Variants in CCSER1 observed in about 807,000 individuals in gnomAD.
The protein encoded by CCSER1 is serine-rich coiled-coil domain-containing protein 1.
Under a neutral mutation model 82.0 loss-of-function variants are expected in CCSER1, and 41 were observed. The ratio of observed to expected loss-of-function variants is 0.50; its 90% CI spans 0.39 to 0.65. CCSER1 has a LOEUF of 0.65. CCSER1 is among the 30% of genes least tolerant of loss of function. The probability of loss-of-function intolerance (pLI) is 0.00; values close to 1 mark genes in which losing one functional copy is unlikely to be tolerated. For synonymous variants in CCSER1, 414 were observed against 383.9 expected (o/e 1.08, Z -0.92); for missense variants, 1,119 against 1,064.2 (o/e 1.05, Z -0.72).
rs1754886157 is a variant in CCSER1 at position 91,438,849 on chromosome 4, G to A, written c.2218-159723G>A. On this transcript the variant is annotated intron_variant, in intron 10 of 10. Transcript: ENST00000509176. ...CGTGAAGAATGCAGAAGGCTCAGGA[G>A]CCAATGCGATCAACTGGAAGAAAGG... Among the ~76,000 whole-genome samples, 3 of 152,308 alleles carry A rather than the reference G, an allele frequency of 2.0e-5. No individual in the cohort carries two copies. The South Asian group carries it at 6.2e-4, about 32-fold the overall frequency.
chr4:90,161,701 A>C (rs1729479903), intron 1 of CCSER1, among the ~76,000 whole-genome samples: 1 of 152,158 alleles, frequency 6.6e-6, no homozygotes, highest in Non-Finnish European at 1.5e-5. Context: ...TAATAGGTAA[A>C]ACGTGGGTTT....
At chr4:90,662,318 G>A (rs1306735488) in intron 6 of CCSER1, among the ~76,000 whole-genome samples, 1 of 151,846 alleles carries the variant, frequency 6.6e-6, no homozygotes, top group East Asian at 1.9e-4. Flanking sequence ...CTCTTTTATG[G>A]GAAAAAGTAG....
intron 10 of CCSER1, among the ~76,000 whole-genome samples, chr4:91,565,061 T>C (rs1392518788): frequency 7.2e-6 from 1 of 138,554 alleles, no homozygotes; most frequent in East Asian, 2.1e-4. Context: ...TGTGTGTGTG[T>C]GTGTGTGTGT....
chr4:91,541,692 G>A (rs1490723225), intron 10 of CCSER1, among the ~76,000 whole-genome samples: 5 of 152,106 alleles, frequency 3.3e-5, no homozygotes, highest in Admixed American at 6.6e-5. Context: ...AAACATACGT[G>A]TGCATGTGTC....
chr4:90,173,779 G>A (rs573133163), intron 1 of CCSER1, among the ~76,000 whole-genome samples: 1 of 152,002 alleles, frequency 6.6e-6, no homozygotes, highest in South Asian at 2.1e-4. Context: ...AAACATTTAA[G>A]GTCATCTTCA....
intron 5 of CCSER1, among the ~76,000 whole-genome samples, chr4:90,476,030 GTGTGTGTGTGTGTGTA>G (rs1765041029): frequency 6.8e-6 from 1 of 148,120 alleles, no homozygotes; most frequent in African/African-American, 2.6e-5. Flanking sequence ...TCGTGTGTGT[GTGTGTGTGTGTGTGTA>G]TGTGTGTGTG....
intron 10 of CCSER1, among the ~76,000 whole-genome samples, chr4:91,584,134 A>T (rs1763872063): frequency 1.3e-5 from 2 of 151,512 alleles, no homozygotes; most frequent in African/African-American, 4.8e-5. Flanking sequence ...TACAAGTTCA[A>T]CAAATAACTA....
At chr4:90,449,249 A>G (rs1761108790) in intron 4 of CCSER1, among the ~76,000 whole-genome samples, 1 of 152,204 alleles carries the variant, frequency 6.6e-6, no homozygotes, top group Admixed American at 6.5e-5. Flanking sequence ...AGGCTGTCCC[A>G]ACATTTCTTT....
intron 1 of CCSER1, among the ~76,000 whole-genome samples, chr4:90,168,203 A>G (rs1730894649): frequency 6.6e-6 from 1 of 151,930 alleles, no homozygotes; most frequent in Admixed American, 6.6e-5. Context: ...TGTGGTTTTG[A>G]TTTGCATTTC....
chr4:91,567,199 T>C (rs1762932269), intron 10 of CCSER1, among the ~76,000 whole-genome samples: 1 of 152,116 alleles, frequency 6.6e-6, no homozygotes, highest in African/African-American at 2.4e-5. Flanking sequence ...TATTGAGCAA[T>C]TTTCATTGTC....
At chr4:90,136,540 T>A (rs1169077478) in intron 1 of CCSER1, among the ~76,000 whole-genome samples, 1 of 152,232 alleles carries the variant, frequency 6.6e-6, no homozygotes, top group African/African-American at 2.4e-5. Context: ...TAATGAATGT[T>A]TGTTGTGTGT....
chr4:91,440,618 T>G (rs1048165240), intron 10 of CCSER1, among the ~76,000 whole-genome samples: 2 of 151,758 alleles, frequency 1.3e-5, no homozygotes, highest in African/African-American at 4.8e-5. Flanking sequence ...ATAACTAAAA[T>G]CAGAGCAGAA....
chr4:90,262,803 T>C (rs1724568999), intron 1 of CCSER1, among the ~76,000 whole-genome samples: 2 of 152,232 alleles, frequency 1.3e-5, no homozygotes, highest in South Asian at 4.1e-4. Context: ...GCTGTTCAGA[T>C]CAGACAGGTA....
At chr4:90,318,922 C>T (rs1024044834) in intron 3 of CCSER1, among the ~76,000 whole-genome samples, 3 of 152,030 alleles carry the variant, frequency 2.0e-5, no homozygotes, top group Non-Finnish European at 4.4e-5. Flanking sequence ...ATTATCTTGC[C>T]AATACAACAG....
At chr4:91,084,738 A>G (rs1723183904) in intron 9 of CCSER1, among the ~76,000 whole-genome samples, 1 of 152,156 alleles carries the variant, frequency 6.6e-6, no homozygotes, top group Non-Finnish European at 1.5e-5. Context: ...TATATACAAA[A>G]ATAAATGGTA....
chr4:91,217,881 C>A (rs1737387858), intron 10 of CCSER1, among the ~76,000 whole-genome samples: 1 of 152,244 alleles, frequency 6.6e-6, no homozygotes, highest in Non-Finnish European at 1.5e-5. Context: ...CACTCCCCAC[C>A]AGACTCAGGA....
chr4:91,042,737 T>G (rs1032413676), intron 9 of CCSER1, among the ~76,000 whole-genome samples: 1 of 152,000 alleles, frequency 6.6e-6, no homozygotes, highest in Non-Finnish European at 1.5e-5. Context: ...TTATCACCAA[T>G]AGAAGAATGA....
Position 91,465,640 on chromosome 4 carries a change from A to G in CCSER1, c.2218-132932A>G, listed in dbSNP as rs1004147792. On this transcript the variant is annotated intron_variant, in intron 10 of 10. Transcript: ENST00000509176. ...TAAAGGAGAAAAGAGAGAAGAATCA[A>G]ATAGATGCAATAAAAAATGATAAAG... Among the ~76,000 whole-genome samples the G allele has an allele frequency of 4.6e-4, 70 of 152,218 alleles. 1 individual carries two copies. Among genetic ancestry groups the G allele is most frequent in the Non-Finnish European group, 1.5e-4 (10 of 68,042 alleles).
chr4:90,759,695 ATTGT>A (rs1021928781), intron 7 of CCSER1, among the ~76,000 whole-genome samples: 26 of 152,154 alleles, frequency 1.7e-4, no homozygotes, highest in African/African-American at 6.3e-4. Context: ...GAACTAGAAA[ATTGT>A]TTGTCCCTTG....
Sources: gnomAD v4.1 joint callset for allele counts (sites outside exome capture counted in the v4.1 genomes callset) on GRCh38, gnomAD v4.1.1 for gene constraint, MANE v1.5 for transcripts, NCBI Gene and HGNC (gene_info 2026-07-23, HGNC 2026-07-21) for gene names.